CNTNAP2: variants seen among roughly 807,000 people sequenced by gnomAD.
CNTNAP2 encodes contactin-associated protein-like 2.
In CNTNAP2, 98 loss-of-function variants were observed where a neutral mutation model predicts 155.2. The ratio of observed to expected loss-of-function variants is 0.63; its 90% CI spans 0.54 to 0.75. The LOEUF (loss-of-function observed/expected upper bound fraction) is 0.75, where lower values mean the gene tolerates loss of function less well. Ranked by LOEUF, CNTNAP2 falls within the 30% of genes least tolerant of loss-of-function variation. The pLI is 0.00. For missense variants in CNTNAP2, 1,727 were observed against 1,688.1 expected (o/e 1.02, Z -0.40); for synonymous variants, 651 against 631.2 (o/e 1.03, Z -0.47).
At chr7:146,780,055 AT>A (rs1180195263) in intron 2 of CNTNAP2, among the ~76,000 whole-genome samples, 1 of 152,206 alleles carries the variant, frequency 6.6e-6, no homozygotes, top group Non-Finnish European at 1.5e-5. Context: ...GCTGGGTCAA[AT>A]GGTATTTCTG....
intron 13 of CNTNAP2, among the ~76,000 whole-genome samples, chr7:147,642,681 T>C (rs1210922086): frequency 1.3e-5 from 2 of 152,206 alleles, no homozygotes; most frequent in African/African-American, 4.8e-5. Flanking sequence ...ACTGCTAAAT[T>C]GAAATCAAGA....
intron 15 of CNTNAP2, among the ~76,000 whole-genome samples, chr7:147,991,733 AC>A (rs1185984858): frequency 2.6e-5 from 4 of 152,148 alleles, no homozygotes; most frequent in South Asian, 2.1e-4. Flanking sequence ...AGGCTTCCAT[AC>A]TTTTGTTTAT....
At chr7:146,456,125 A>C (rs1007696844) in intron 1 of CNTNAP2, among the ~76,000 whole-genome samples, 2 of 152,132 alleles carry the variant, frequency 1.3e-5, no homozygotes, top group African/African-American at 4.8e-5. Context: ...TTCATTGCTG[A>C]TCTCCATAAT....
chr7:146,356,173 A>G (rs1446811947), intron 1 of CNTNAP2, among the ~76,000 whole-genome samples: 1 of 152,126 alleles, frequency 6.6e-6, no homozygotes, highest in Non-Finnish European at 1.5e-5. Flanking sequence ...ATCTGTAGAC[A>G]TCAGATGTAC....
At chr7:147,333,109 A>T (rs76249055) in intron 9 of CNTNAP2, among the ~76,000 whole-genome samples, 1 of 152,142 alleles carries the variant, frequency 6.6e-6, no homozygotes, top group South Asian at 2.1e-4. Context: ...CAGAACACAC[A>T]TTGGGAAACT....
At chr7:146,650,365 T>TA (rs1367386802) in intron 1 of CNTNAP2, among the ~76,000 whole-genome samples, 2 of 152,022 alleles carry the variant, frequency 1.3e-5, no homozygotes, top group African/African-American at 2.4e-5. Context: ...TATACAGCCA[T>TA]AAAAAATATG....
At chr7:148,115,911 G>A (rs974300271) in intron 15 of CNTNAP2, among the ~76,000 whole-genome samples, 9 of 152,136 alleles carry the variant, frequency 5.9e-5, no homozygotes, top group African/African-American at 2.2e-4. Context: ...GGCTGAGGCA[G>A]GTGGATCACT....
chr7:146,120,536 T>C (rs552792247), intron 1 of CNTNAP2, among the ~76,000 whole-genome samples: 1 of 152,330 alleles, frequency 6.6e-6, no homozygotes, highest in South Asian at 2.1e-4. Context: ...ACCTACAACG[T>C]ATCATTTTAG....
intron 21 of CNTNAP2, among the ~76,000 whole-genome samples, chr7:148,343,896 G>C (rs1383214393): frequency 6.6e-6 from 1 of 152,182 alleles, no homozygotes; most frequent in Non-Finnish European, 1.5e-5. Flanking sequence ...GTGAAATGGG[G>C]ACCACTTGAG....
chr7:146,585,228 T>A (rs1798670930), intron 1 of CNTNAP2, among the ~76,000 whole-genome samples: 1 of 152,098 alleles, frequency 6.6e-6, no homozygotes, highest in Non-Finnish European at 1.5e-5. Context: ...TTCAAGCCAT[T>A]TTCCTGCCTC....
rs547987238 is a variant in CNTNAP2 at position 147,912,919 on chromosome 7, T to C, written c.2255+9198T>C. 5.3e-5 allele frequency among the ~76,000 whole-genome samples: 8 copies of C among 152,320 alleles called. No homozygotes were observed. In the East Asian group the frequency reaches 1.5e-3, roughly 29 times the overall value. On this transcript the variant is annotated intron_variant, in intron 14 of 23. Coordinates refer to ENST00000361727, the MANE Select transcript of CNTNAP2 (RefSeq NM_014141.6). ...CACCTGGCCTGAACGGGAGCATCGC[T>C]GTGGTCTGTTCTGGGACCTGGGTTT...
intron 1 of CNTNAP2, among the ~76,000 whole-genome samples, chr7:146,349,486 A>G (rs1794879427): frequency 6.6e-6 from 1 of 152,136 alleles, no homozygotes. Flanking sequence ...TAATATTGTT[A>G]TGTGTGTATT....
At chr7:146,313,552 A>G (rs1240913949) in intron 1 of CNTNAP2, among the ~76,000 whole-genome samples, 3 of 152,104 alleles carry the variant, frequency 2.0e-5, no homozygotes, top group Admixed American at 1.3e-4. Flanking sequence ...GTTTGAGGCA[A>G]TTCCGTTTGT....
At chr7:147,149,311 G>A (rs758021672) in intron 8 of CNTNAP2, among the ~76,000 whole-genome samples, 7 of 152,036 alleles carry the variant, frequency 4.6e-5, no homozygotes, top group Admixed American at 6.6e-5. Flanking sequence ...TTTACAGAGC[G>A]CTGATTGGTG....
At chr7:147,546,965 G>A (rs183908406) in intron 11 of CNTNAP2, among the ~76,000 whole-genome samples, 4 of 152,288 alleles carry the variant, frequency 2.6e-5, no homozygotes, top group African/African-American at 9.6e-5. Context: ...AGAAGCAAGA[G>A]GAACAGGGCA....
At chr7:146,865,036 G>C (rs142256349) in intron 3 of CNTNAP2, among the ~76,000 whole-genome samples, 2 of 146,302 alleles carry the variant, frequency 1.4e-5, no homozygotes, top group East Asian at 2.0e-4. Flanking sequence ...AAGGCAACAG[G>C]TTATAAGATT....
chr7:148,160,536 G>A (rs966774905), intron 17 of CNTNAP2, among the ~76,000 whole-genome samples: 1 of 151,892 alleles, frequency 6.6e-6, no homozygotes, highest in South Asian at 2.1e-4. Flanking sequence ...TTGTTTAAAT[G>A]TTCCTCTTAG....
At chr7:148,321,840 A>G (rs76518982) in intron 21 of CNTNAP2, among the ~76,000 whole-genome samples, 1 of 152,200 alleles carries the variant, frequency 6.6e-6, no homozygotes, top group African/African-American at 2.4e-5. Flanking sequence ...AAAAATATGT[A>G]ATCACATATG....
At chr7:148,111,747 C>T (rs748720689) in intron 15 of CNTNAP2, among the ~76,000 whole-genome samples, 5 of 152,120 alleles carry the variant, frequency 3.3e-5, no homozygotes, top group Non-Finnish European at 7.4e-5. Context: ...GTTGCTTTCC[C>T]GGTAGCAGCC....
Sources: gnomAD v4.1 joint callset for allele counts (sites outside exome capture counted in the v4.1 genomes callset) on GRCh38, gnomAD v4.1.1 for gene constraint, MANE v1.5 for transcripts, NCBI Gene and HGNC (gene_info 2026-07-23, HGNC 2026-07-21) for gene names.